The following SUB1 variants were observed in gnomAD, a reference collection of about 807,000 sequenced individuals.
SUB1 encodes activated RNA polymerase II transcriptional coactivator p15.
SUB1 carries 1 observed loss-of-function variant against 16.9 expected under a neutral mutation model. The ratio of observed to expected loss-of-function variants is 0.06; its 90% CI spans 0.02 to 0.28. The LOEUF is 0.28. Among genes scored for constraint, SUB1 ranks in the 10% least tolerant of loss-of-function variants. The pLI is 1.00. For missense variants in SUB1, 84 were observed against 145.2 expected (o/e 0.58, Z 2.16); for synonymous variants, 51 against 46.9 (o/e 1.09, Z -0.36).
In SUB1 at chr5:32,596,284, C is replaced by T. The variant is rs12654370; in HGVS notation, c.196-2677C>T. On this transcript the variant is annotated intron_variant, in intron 3 of 4. Transcript: ENST00000265073. ...CACGGTTCTGCTTCTTCCTCAGGCT[C>T]TCCTCGAAGGCCAAGACCCCTGTGG... is the stretch of plus-strand genomic sequence containing the variant. The T allele has an allele frequency of 3.3e-5, 5 of 152,346 alleles. No individual in the cohort carries two copies. In the East Asian group the frequency reaches 9.6e-4, roughly 29 times the overall value. The allele number at this position is 152,346 out of a possible 1,614,324, so 9.4% of individuals were successfully genotyped here.
rs745543745 is a variant in SUB1 at position 32,591,628 on chromosome 5, G to C, written c.138G>C (p.Ser46=). 1.2e-6 allele frequency: 2 copies of C among 1,609,836 alleles called. No homozygotes were observed. The highest frequency in any genetic ancestry group is 1.7e-6 in the Non-Finnish European group (2 of 1,178,502). ...AGAAACAAAAGACAGGTGAGACTTC[G>C]AGAGCCCTGTCATCTTCTAAACAGA... ...PVKKQKTGET[S]RALSSSKQSS... is the part of the protein sequence containing the mutation. Residue 46 remains serine, a synonymous_variant, in exon 3 of 5, where the codon TCG becomes TCC. Coordinates refer to ENST00000265073, the MANE Select transcript of SUB1 (RefSeq NM_006713.4).
At chr5:32,588,479 A>C in intron 1 of SUB1, 33 bp from the exon 2 acceptor site, 3 of 1,587,418 alleles carry the variant, frequency 1.9e-6, no homozygotes, top group Non-Finnish European at 2.6e-6. Flanking sequence ...AGAGTACCTT[A>C]TTAATTATTT....
At chr5:32,600,871 C>G (rs1287245783) in intron 4 of SUB1, 134 bp from the exon 5 acceptor site, 2 of 695,468 alleles carry the variant, frequency 2.9e-6, no homozygotes, top group South Asian at 3.1e-5. Context: ...TCCCAAAGTG[C>G]TGGGATTACA....
chr5:32,593,383 G>A (rs1157856801), intron 3 of SUB1, among the ~76,000 whole-genome samples: 1 of 152,158 alleles, frequency 6.6e-6, no homozygotes. Context: ...TTGAAAGGTG[G>A]AGTGCCAAGA....
intron 1 of SUB1, 130 bp downstream of exon 1, chr5:32,585,755 C>CG (rs2111644792): frequency 1.7e-5 from 2 of 118,424 alleles, no homozygotes; most frequent in African/African-American, 1.3e-4. Context: ...TGCCTTACCT[C>CG]CCCCTTCCCC....
At chr5:32,586,217 G>A (rs1738664331) in intron 1 of SUB1, 1 of 152,230 alleles carries the variant, frequency 6.6e-6, no homozygotes, top group African/African-American at 2.4e-5. Context: ...TCGCCCGAGC[G>A]GCTGCTAGCC....
Position 32,602,133 on chromosome 5 carries a change from C to A in SUB1, c.*1049C>A. The A allele has an allele frequency of 2.3e-6, 1 of 436,782 alleles. No homozygotes were observed. The highest frequency in any genetic ancestry group is 1.6e-5 in the South Asian group (1 of 60,834). The allele number at this position is 436,782 out of a possible 1,614,324, so 27.1% of individuals were successfully genotyped here. ...TAGAACAGACCAATGGCATTCTAGA[C>A]TTGATGATACTAAGTTTTAGCAGAC... On this transcript the variant is annotated 3_prime_UTR_variant, in exon 5 of 5. Coordinates refer to ENST00000265073, the MANE Select transcript of SUB1 (RefSeq NM_006713.4).
At chr5:32,600,923 A>C in intron 4 of SUB1, 82 bp from the exon 5 acceptor site, 1 of 1,354,508 alleles carries the variant, frequency 7.4e-7, no homozygotes, top group Non-Finnish European at 1.0e-6. Flanking sequence ...CAATTTTGAT[A>C]AAACAGTATT....
Position 32,603,055 on chromosome 5 carries a change from A to G in SUB1, c.*1971A>G, listed in dbSNP as rs1238203581. 9.2e-5 allele frequency: 14 copies of G among 152,100 alleles called. No homozygotes were observed. 9.4% of individuals were successfully genotyped at this position (152,100 alleles called of 1,614,324 possible). The stretch of plus-strand genomic sequence containing the variant: ...TGTATGCATTTTGAAACAATCTACT[A>G]ACAGATGGTGCTGAAATCTATTACC... On this transcript the variant is annotated 3_prime_UTR_variant, in exon 5 of 5. Transcript: ENST00000265073.
intron 4 of SUB1, 128 bp from the exon 5 acceptor site, chr5:32,600,877 T>A (rs1437095654): frequency 5.4e-6 from 4 of 741,320 alleles, no homozygotes; most frequent in Non-Finnish European, 9.2e-6. Flanking sequence ...AGTGCTGGGA[T>A]TACAGGTGTG....
At chr5:32,600,516 A>G (rs1739088682) in intron 4 of SUB1, among the ~76,000 whole-genome samples, 1 of 152,170 alleles carries the variant, frequency 6.6e-6, no homozygotes, top group Admixed American at 6.6e-5. Flanking sequence ...TGGATATGAG[A>G]TTGATAATGC....
In SUB1 at chr5:32,603,075, A is replaced by G. The variant is rs568708487; in HGVS notation, c.*1991A>G. ...CTACTAACAGATGGTGCTGAAATCT[A>G]TTACCTACATGTTTTCTAGTTGTTC... On this transcript the variant is annotated 3_prime_UTR_variant, in exon 5 of 5. Coordinates refer to ENST00000265073, the MANE Select transcript of SUB1 (RefSeq NM_006713.4). 7.9e-5 allele frequency: 12 copies of G among 152,198 alleles called. No homozygotes were observed. Among genetic ancestry groups the G allele is most frequent in the East Asian group, 3.9e-4 (2 of 5,182 alleles). The allele number at this position is 152,198 out of a possible 1,614,324, so 9.4% of individuals were successfully genotyped here.
At position 32,603,192 on chromosome 5, in the gene SUB1, T is replaced by C. The variant is rs1323927084; in HGVS notation, c.*2108T>C. Reference sequence around the variant, plus strand: ...AACTTCATTTAAATGTGTTACTGGATATGCAGTATACTGAAATTATTAATC... The same window carrying C: ...AACTTCATTTAAATGTGTTACTGGACATGCAGTATACTGAAATTATTAATC... On this transcript the variant is annotated 3_prime_UTR_variant, in exon 5 of 5. Transcript: ENST00000265073. 6.6e-6 allele frequency: 1 copy of C among 152,162 alleles called. No individual in the cohort carries two copies. Among genetic ancestry groups the C allele is most frequent in the Non-Finnish European group, 1.5e-5 (1 of 67,974 alleles). 9.4% of individuals were successfully genotyped at this position (152,162 alleles called of 1,614,324 possible).
intron 4 of SUB1, among the ~76,000 whole-genome samples, chr5:32,600,230 TGA>T (rs1271255988): frequency 6.6e-5 from 10 of 152,362 alleles, no homozygotes; most frequent in African/African-American, 2.4e-4. Context: ...GTATACTCTC[TGA>T]GGAGTCCTGT....
At chr5:32,587,586 G>A (rs538444211) in intron 1 of SUB1, among the ~76,000 whole-genome samples, 1 of 151,986 alleles carries the variant, frequency 6.6e-6, no homozygotes, top group Non-Finnish European at 1.5e-5. Context: ...TGTGTAAAAT[G>A]TAATGAATTG....
chr5:32,589,496 C>T (rs1373937044), intron 2 of SUB1, among the ~76,000 whole-genome samples: 1 of 152,168 alleles, frequency 6.6e-6, no homozygotes, highest in African/African-American at 2.4e-5. Context: ...AGTTTGTGCT[C>T]TGGTCCCTTC....
intron 3 of SUB1, chr5:32,598,675 T>C (rs1739039796): frequency 4.2e-6 from 1 of 240,358 alleles, no homozygotes. Context: ...ATTCATGACA[T>C]ACCTAACTTT....
chr5:32,593,317 AT>A (rs2111667981), intron 3 of SUB1, among the ~76,000 whole-genome samples: 1 of 152,248 alleles, frequency 6.6e-6, no homozygotes, highest in African/African-American at 2.4e-5. Flanking sequence ...GACTGTAGAC[AT>A]TTATATGACT....
Position 32,601,845 on chromosome 5 carries a change from G to A in SUB1, c.*761G>A, listed in dbSNP as rs956547961. ...TTAGTCTGCAGAAAATAATGACTTA[G>A]ATGAGATGTCTGACTTGCTTTCACT... is the stretch of plus-strand genomic sequence containing the variant. On this transcript the variant is annotated 3_prime_UTR_variant, in exon 5 of 5. Coordinates refer to ENST00000265073, the MANE Select transcript of SUB1 (RefSeq NM_006713.4). 5 of 161,658 alleles carry A rather than the reference G, an allele frequency of 3.1e-5. No homozygotes were observed. Among genetic ancestry groups the A allele is most frequent in the Non-Finnish European group, 6.8e-5 (5 of 73,440 alleles). 10.0% of individuals were successfully genotyped at this position (161,658 alleles called of 1,614,324 possible).
Sources: allele counts gnomAD v4.1 joint callset (sites outside exome capture counted in the v4.1 genomes callset), GRCh38; gene constraint gnomAD v4.1.1; transcripts MANE v1.5; gene names NCBI Gene and HGNC (gene_info 2026-07-23, HGNC 2026-07-21).